PHLDB2: variants seen among roughly 807,000 people sequenced by gnomAD.
PHLDB2 encodes pleckstrin homology like domain family B member 2.
PHLDB2 carries 71 observed loss-of-function variants against 123.6 expected under a neutral mutation model. The observed-to-expected ratio is 0.57, with a 90% CI of 0.47 to 0.70. The LOEUF (loss-of-function observed/expected upper bound fraction) is 0.70, where lower values mean the gene tolerates loss of function less well. PHLDB2 is among the 30% of genes least tolerant of loss of function. The pLI, the probability that PHLDB2 is intolerant of heterozygous loss-of-function variation, is 0.00. For missense variants in PHLDB2, 1,446 were observed against 1,519.5 expected, an observed-to-expected ratio of 0.95 and a Z score of 0.80; for synonymous variants, 547 against 541.6, an observed-to-expected ratio of 1.01 and a Z score of -0.14.
chr3:111,747,654 C>T (rs1030928540), intron 1 of PHLDB2, among the ~76,000 whole-genome samples: 19 of 152,134 alleles, frequency 1.2e-4, no homozygotes, highest in African/African-American at 4.3e-4. Context: ...CCCAGGAAGC[C>T]TCTCCCGCAG....
At chr3:111,953,592 C>T (rs1188567948) in intron 11 of PHLDB2, among the ~76,000 whole-genome samples, 6 of 152,230 alleles carry the variant, frequency 3.9e-5, no homozygotes, top group East Asian at 1.9e-4. Flanking sequence ...TTGCATGGTG[C>T]GCATGCATTC....
chr3:111,938,191 A>T (rs968541501), intron 6 of PHLDB2, among the ~76,000 whole-genome samples: 6 of 152,140 alleles, frequency 3.9e-5, no homozygotes, highest in Non-Finnish European at 7.4e-5. Context: ...TCAATTTTTA[A>T]AAAAAAGACT....
At chr3:111,954,141 C>T in intron 12 of PHLDB2, 112 bp downstream of exon 12, 1 of 851,364 alleles carries the variant, frequency 1.2e-6, no homozygotes, top group East Asian at 2.7e-5. Flanking sequence ...CAACCAAAGG[C>T]CTAATTTTAC....
intron 2 of PHLDB2, among the ~76,000 whole-genome samples, chr3:111,908,579 T>G (rs908875984): frequency 3.3e-5 from 5 of 152,186 alleles, no homozygotes; most frequent in Non-Finnish European, 5.9e-5. Context: ...ATGCCCTGGC[T>G]GTTGTTCATG....
chr3:111,779,481 T>C (rs1390377874), intron 1 of PHLDB2, among the ~76,000 whole-genome samples: 1 of 152,072 alleles, frequency 6.6e-6, no homozygotes, highest in Non-Finnish European at 1.5e-5. Context: ...CTCTCACTTG[T>C]GGGAACATAA....
upstream of PHLDB2, among the ~76,000 whole-genome samples, chr3:111,855,973 G>A (rs547843035): frequency 2.0e-5 from 3 of 152,048 alleles, no homozygotes; most frequent in Admixed American, 6.5e-5. Context: ...GGGTGGTCTC[G>A]TCTATCTTCA....
At chr3:111,895,509 A>G (rs887648365) in intron 2 of PHLDB2, among the ~76,000 whole-genome samples, 5 of 152,264 alleles carry the variant, frequency 3.3e-5, no homozygotes, top group Non-Finnish European at 7.3e-5. Flanking sequence ...GTAGAAAGAA[A>G]TATAAACTAA....
chr3:111,792,798 A>G (rs547425209), intron 1 of PHLDB2, among the ~76,000 whole-genome samples: 32 of 152,364 alleles, frequency 2.1e-4, no homozygotes, highest in Admixed American at 2.0e-3. Context: ...ATTTATCAGA[A>G]ACAAATAAGC....
At chr3:111,839,417 G>C (rs1055552748) in intron 1 of PHLDB2, among the ~76,000 whole-genome samples, 1 of 152,018 alleles carries the variant, frequency 6.6e-6, no homozygotes, top group Non-Finnish European at 1.5e-5. Context: ...ACAGTGATGC[G>C]CTCTCTGTTC....
intron 12 of PHLDB2, among the ~76,000 whole-genome samples, chr3:111,960,481 A>G (rs1446652977): frequency 6.6e-6 from 1 of 152,268 alleles, no homozygotes; most frequent in Non-Finnish European, 1.5e-5. Flanking sequence ...AAACCACTCC[A>G]AATACTAATG....
At chr3:111,746,078 A>T (rs1041245984) in intron 1 of PHLDB2, among the ~76,000 whole-genome samples, 13 of 152,262 alleles carry the variant, frequency 8.5e-5, no homozygotes, top group African/African-American at 3.1e-4. Flanking sequence ...CTCTAAAGGC[A>T]GTTGCAGACA....
At chr3:111,864,161 G>C (rs1294601009) in intron 1 of PHLDB2, among the ~76,000 whole-genome samples, 5 of 152,150 alleles carry the variant, frequency 3.3e-5, no homozygotes, top group Non-Finnish European at 7.3e-5. Context: ...AAGAGTGATA[G>C]CCCTTTTAAG....
At chr3:111,794,656 G>A (rs1478953459) in intron 1 of PHLDB2, among the ~76,000 whole-genome samples, 1 of 152,222 alleles carries the variant, frequency 6.6e-6, no homozygotes, top group African/African-American at 2.4e-5. Flanking sequence ...AAATGTATAA[G>A]AGTATGGATT....
At chr3:111,850,847 A>G (rs566818087) in intron 2 of PHLDB2, among the ~76,000 whole-genome samples, 1 of 152,336 alleles carries the variant, frequency 6.6e-6, no homozygotes, top group South Asian at 2.1e-4. Context: ...TCAAACAACC[A>G]TTTAGAATTT....
At chr3:111,813,097 A>C (rs1280730809) in intron 1 of PHLDB2, among the ~76,000 whole-genome samples, 1 of 152,206 alleles carries the variant, frequency 6.6e-6, no homozygotes, top group African/African-American at 2.4e-5. Context: ...TGTTTAACTT[A>C]AAAGACTCCA....
intron 2 of PHLDB2, among the ~76,000 whole-genome samples, chr3:111,902,623 A>G (rs937400148): frequency 1.3e-5 from 2 of 152,184 alleles, no homozygotes; most frequent in African/African-American, 4.8e-5. Flanking sequence ...CAGGCAAGTA[A>G]CAGTAAATAT....
chr3:111,862,309 C>T (rs1476962693), intron 1 of PHLDB2, among the ~76,000 whole-genome samples: 2 of 152,156 alleles, frequency 1.3e-5, no homozygotes, highest in Non-Finnish European at 2.9e-5. Context: ...TCTGTAAAGT[C>T]TTGGTGTACC....
intron 2 of PHLDB2, among the ~76,000 whole-genome samples, chr3:111,890,535 A>G (rs2066418695): frequency 6.6e-6 from 1 of 152,258 alleles, no homozygotes; most frequent in Admixed American, 6.5e-5. Flanking sequence ...TAAATGAAGA[A>G]TGAATAGATG....
intron 2 of PHLDB2, among the ~76,000 whole-genome samples, chr3:111,890,322 C>T (rs754869831): frequency 5.9e-5 from 9 of 152,226 alleles, no homozygotes; most frequent in Admixed American, 3.3e-4. Context: ...AAGAGATTAG[C>T]GAGTCAGTGA....
Sources: gnomAD v4.1 joint callset for allele counts (sites outside exome capture counted in the v4.1 genomes callset) on GRCh38, gnomAD v4.1.1 for gene constraint, MANE v1.5 for transcripts, NCBI Gene and HGNC (gene_info 2026-07-23, HGNC 2026-07-21) for gene names.